Variants in MTUS1 observed in about 807,000 individuals in gnomAD.
MTUS1 encodes the protein microtubule associated scaffold protein 1.
In MTUS1, 109 loss-of-function variants were observed where a neutral mutation model predicts 120.8. The ratio of observed to expected loss-of-function variants is 0.90; its 90% CI spans 0.77 to 1.06. MTUS1 has a LOEUF of 1.06. Ranked by LOEUF, MTUS1 falls within the 50% of genes least tolerant of loss-of-function variation. MTUS1 has a pLI of 0.00. For missense variants in MTUS1, 2,210 were observed against 1,486.3 expected (o/e 1.49, Z -8.01); for synonymous variants, 737 against 550.5 (o/e 1.34, Z -4.74).
chr8:17,679,324 CTA>C (rs33994373), intron 7 of MTUS1, among the ~76,000 whole-genome samples: 86,146 of 150,876 alleles, frequency 0.57, 25,382 homozygotes, highest in Middle Eastern at 0.7. Context: ...GTATCTGTAT[CTA>C]TTTTATATAC....
chr8:17,740,388 C>T (rs994693936), intron 3 of MTUS1, among the ~76,000 whole-genome samples: 3 of 152,122 alleles, frequency 2.0e-5, no homozygotes, highest in Non-Finnish European at 2.9e-5. Context: ...ACATTTCTGC[C>T]GCTTACCTTT....
chr8:17,745,925 C>T lies in MTUS1; in HGVS notation c.2092-2126G>A, dbSNP rs543927311. On this transcript the variant is annotated intron_variant, in intron 2 of 14. Coordinates refer to ENST00000693296, the MANE Select transcript of MTUS1 (RefSeq NM_001363059.2). Reference sequence around the variant, plus strand: ...GTAACTGGATCATAGAAGCAGACTTCCCCCTTGCTGTTCTTATGACAGTGA... The same window carrying T: ...GTAACTGGATCATAGAAGCAGACTTTCCCCTTGCTGTTCTTATGACAGTGA... 8.5e-5 allele frequency among the ~76,000 whole-genome samples: 13 copies of T among 152,262 alleles called. 1 individual carries two copies. The highest frequency in any genetic ancestry group is 2.6e-4 in the Admixed American group (4 of 15,292).
intron 6 of MTUS1, among the ~76,000 whole-genome samples, chr8:17,707,949 G>A (rs998829703): frequency 6.6e-5 from 10 of 152,168 alleles, no homozygotes; most frequent in Admixed American, 5.2e-4. Flanking sequence ...ATATAAAAAT[G>A]TAACTCAAAA....
At chr8:17,786,963 T>A (rs1191009110) in intron 1 of MTUS1, among the ~76,000 whole-genome samples, 1 of 152,152 alleles carries the variant, frequency 6.6e-6, no homozygotes, top group Non-Finnish European at 1.5e-5. Context: ...AAAATAAAAG[T>A]TGAATTTTTA....
At chr8:17,663,590 G>GTTTTT (rs1810245303) in intron 8 of MTUS1, among the ~76,000 whole-genome samples, 1 of 87,654 alleles carries the variant, frequency 1.1e-5, no homozygotes, top group South Asian at 3.5e-4. Flanking sequence ...CCTACTTTTT[G>GTTTTT]TTTTGTTTTG....
chr8:17,755,113 T>G lies in MTUS1; in HGVS notation c.695A>C (p.Gln232Pro). The change falls in exon 2 of 15, where the codon CAA becomes CCA. Residue 232 changes from glutamine (Q) to proline (P), a missense_variant. By Grantham distance (76) the Gln-to-Pro change is moderately conservative. Coordinates refer to ENST00000693296, the MANE Select transcript of MTUS1 (RefSeq NM_001363059.2). ...TYDRESFENPQVTPSEAQDMT... is the reference protein window; with the variant it reads ...TYDRESFENPPVTPSEAQDMT... ...GTCTTGGGCTTCTGATGGTGTGACT[T>G]GAGGGTTTTCAAAGCTTTCTCTATC... 6.2e-7 allele frequency: 1 copy of G among 1,613,994 alleles called. No individual in the cohort carries two copies.
chr8:17,690,441 G>C (rs922939616), intron 6 of MTUS1, among the ~76,000 whole-genome samples: 2 of 152,148 alleles, frequency 1.3e-5, no homozygotes, highest in Non-Finnish European at 2.9e-5. Flanking sequence ...TGGTGGGACT[G>C]TGAATTAGTA....
chr8:17,713,501 A>G (rs1169984987), intron 5 of MTUS1, among the ~76,000 whole-genome samples: 1 of 152,192 alleles, frequency 6.6e-6, no homozygotes, highest in African/African-American at 2.4e-5. Context: ...ACCAGTTTTA[A>G]AAGGAAAAGC....
At chr8:17,685,501 T>G (rs1283346860) in intron 6 of MTUS1, among the ~76,000 whole-genome samples, 1 of 152,166 alleles carries the variant, frequency 6.6e-6, no homozygotes, top group Non-Finnish European at 1.5e-5. Context: ...GTTTCCTTAT[T>G]CTAACAGTCT....
At chr8:17,781,809 T>G (rs1343149646) in intron 1 of MTUS1, among the ~76,000 whole-genome samples, 1 of 152,200 alleles carries the variant, frequency 6.6e-6, no homozygotes, top group Non-Finnish European at 1.5e-5. Flanking sequence ...TCCCTCTTTG[T>G]AGGCTGTGGC....
intron 1 of MTUS1, among the ~76,000 whole-genome samples, chr8:17,794,521 C>T (rs2052062870): frequency 6.6e-6 from 1 of 152,088 alleles, no homozygotes; most frequent in Non-Finnish European, 1.5e-5. Context: ...GTAGCTAGGT[C>T]TTGGCATGGC....
chr8:17,795,557 G>A (rs1032339995), intron 1 of MTUS1, among the ~76,000 whole-genome samples: 1 of 151,220 alleles, frequency 6.6e-6, no homozygotes, highest in Non-Finnish European at 1.5e-5. Flanking sequence ...CTGTGTCCTA[G>A]CAATAAAGCT....
intron 8 of MTUS1, among the ~76,000 whole-genome samples, chr8:17,657,512 G>A (rs1271695869): frequency 6.7e-6 from 1 of 150,138 alleles, no homozygotes; most frequent in African/African-American, 2.5e-5. Context: ...AGCTTGCAGT[G>A]AGCCGAGATC....
chr8:17,649,968 A>G lies in MTUS1; in HGVS notation c.3385-6T>C, dbSNP rs1563559289. On this transcript the variant is annotated splice_polypyrimidine_tract_variant and splice_region_variant and intron_variant, in intron 12 of 14. Coordinates refer to ENST00000693296, the MANE Select transcript of MTUS1 (RefSeq NM_001363059.2). ...TACATGATCTGAGGATTTTTCTGGA[A>G]AGGACACAGCAAGATACTGCTCTTA... The G allele has an allele frequency of 6.9e-7, 1 of 1,445,652 alleles. No individual in the cohort carries two copies. The highest frequency in any genetic ancestry group is 9.7e-7 in the Non-Finnish European group (1 of 1,026,680). 89.6% of individuals were successfully genotyped at this position (1,445,652 alleles called of 1,614,324 possible).
chr8:17,697,623 T>TCTCC (rs1818248138), intron 6 of MTUS1: 5 of 1,250,926 alleles, frequency 4.0e-6, no homozygotes, highest in Admixed American at 3.6e-5. Flanking sequence ...CTGAATACAA[T>TCTCC]CTCCCTCCTG....
chr8:17,703,362 G>A (rs567203784), intron 6 of MTUS1, among the ~76,000 whole-genome samples: 218 of 152,098 alleles, frequency 1.4e-3, no homozygotes, highest in Non-Finnish European at 2.3e-3. Context: ...GGCCGGGTGC[G>A]GTGGCTCACG....
chr8:17,727,194 C>T (rs2046281622), intron 3 of MTUS1, among the ~76,000 whole-genome samples: 1 of 152,160 alleles, frequency 6.6e-6, no homozygotes. Context: ...ATAATGAATG[C>T]CGATTTCACC....
intron 6 of MTUS1, among the ~76,000 whole-genome samples, chr8:17,707,306 G>A (rs1248207017): frequency 6.6e-6 from 1 of 152,134 alleles, no homozygotes; most frequent in African/African-American, 2.4e-5. Flanking sequence ...TCATTTTTCA[G>A]CATCAAAGTC....
intron 3 of MTUS1, chr8:17,724,268 C>G (rs2046060225): frequency 3.6e-6 from 1 of 274,162 alleles, no homozygotes; most frequent in South Asian, 3.2e-5. Context: ...AAATAAGAAC[C>G]AAGTCCAAAT....
Sources: allele counts gnomAD v4.1 joint callset (sites outside exome capture counted in the v4.1 genomes callset), GRCh38; gene constraint gnomAD v4.1.1; transcripts MANE v1.5; gene names NCBI Gene and HGNC (gene_info 2026-07-23, HGNC 2026-07-21).